Variants in ZNF277 observed in about 807,000 individuals in gnomAD.
The protein encoded by ZNF277 is nuclear receptor-interacting factor 4.
A neutral mutation model predicts 60.7 loss-of-function variants in ZNF277; 55 were observed. That is an observed-to-expected ratio of 0.91 (90% confidence interval 0.73 to 1.13). ZNF277 has a LOEUF of 1.13. Among genes scored for constraint, ZNF277 ranks in the 50% most tolerant of loss-of-function variants. ZNF277 has a pLI of 0.00. For missense variants in ZNF277, 510 were observed against 523.0 expected (o/e 0.98, Z 0.24); for synonymous variants, 178 against 179.3 (o/e 0.99, Z 0.06).
chr7:112,324,855 T>C (rs7811013), intron 5 of ZNF277, among the ~76,000 whole-genome samples: 1 of 152,126 alleles, frequency 6.6e-6, no homozygotes, highest in African/African-American at 2.4e-5. Context: ...AGAAAGCCAG[T>C]GGTAAATTCA....
At chr7:112,258,453 G>C (rs773768664) in intron 1 of ZNF277, among the ~76,000 whole-genome samples, 1 of 150,854 alleles carries the variant, frequency 6.6e-6, no homozygotes, top group African/African-American at 2.4e-5. Flanking sequence ...GTATTTGGAC[G>C]TACTTACGCC....
chr7:112,257,006 A>G (rs1200021978), intron 1 of ZNF277, among the ~76,000 whole-genome samples: 2 of 152,332 alleles, frequency 1.3e-5, no homozygotes, highest in East Asian at 1.9e-4. Context: ...ATTTGGAAAC[A>G]TCTCAGAAAA....
intron 1 of ZNF277, among the ~76,000 whole-genome samples, chr7:112,238,023 C>T (rs1323775152): frequency 2.0e-5 from 3 of 152,290 alleles, no homozygotes; most frequent in East Asian, 1.9e-4. Context: ...TAGACCCCTC[C>T]AGCAATCATC....
At chr7:112,277,917 C>T (rs1791847268) in intron 1 of ZNF277, among the ~76,000 whole-genome samples, 1 of 152,192 alleles carries the variant, frequency 6.6e-6, no homozygotes, top group South Asian at 2.1e-4. Context: ...AGTAAGGCAG[C>T]AGGCTAACTT....
intron 2 of ZNF277, among the ~76,000 whole-genome samples, chr7:112,292,027 G>C (rs1248265954): frequency 1.3e-5 from 2 of 152,064 alleles, no homozygotes; most frequent in Non-Finnish European, 2.9e-5. Flanking sequence ...CCTATTACCT[G>C]CTTTATCCCA....
intron 5 of ZNF277, among the ~76,000 whole-genome samples, chr7:112,326,848 C>A (rs929627062): frequency 1.3e-5 from 2 of 152,164 alleles, no homozygotes; most frequent in African/African-American, 4.8e-5. Context: ...CCAAAACAAT[C>A]ACCTTTATTT....
At chr7:112,318,524 T>G (rs1199809392) in intron 5 of ZNF277, among the ~76,000 whole-genome samples, 2 of 152,130 alleles carry the variant, frequency 1.3e-5, no homozygotes, top group Non-Finnish European at 2.9e-5. Flanking sequence ...TAAAATTGGC[T>G]GACCTGCAAG....
chr7:112,268,402 C>CTTACCATGAGGTAA, intron 1 of ZNF277, among the ~76,000 whole-genome samples: 1 of 151,220 alleles, frequency 6.6e-6, no homozygotes, highest in Non-Finnish European at 1.5e-5. Flanking sequence ...AGGTAAAGAA[C>CTTACCATGAGGTAA]AGTTTTTCTC....
Position 112,286,939 on chromosome 7 carries a change from A to C in ZNF277, c.158A>C (p.Glu53Ala). The C allele has an allele frequency of 6.2e-7, 1 of 1,609,688 alleles. No individual in the cohort carries two copies. The highest frequency in any genetic ancestry group is 1.1e-5 in the South Asian group (1 of 90,898). Residue 53 changes from glutamate to alanine, a missense_variant, in exon 2 of 12, where the codon GAA becomes GCA. Transcript: ENST00000361822. The stretch of plus-strand genomic sequence containing the variant: ...AGTCCAGGTGGCACCACCACTTTAG[A>C]AGGTTCTCCATCTGTGCCTTGTATT... Reference protein sequence around the residue: ...PESPGGTTTLEGSPSVPCIFC... With the variant: ...PESPGGTTTLAGSPSVPCIFC...
At chr7:112,298,327 T>C (rs958191221) in intron 4 of ZNF277, among the ~76,000 whole-genome samples, 2 of 152,210 alleles carry the variant, frequency 1.3e-5, no homozygotes, top group Admixed American at 1.3e-4. Flanking sequence ...AATAATGCTG[T>C]GTCTTAACAA....
intron 1 of ZNF277, among the ~76,000 whole-genome samples, chr7:112,223,256 G>A (rs1253174310): frequency 6.6e-6 from 1 of 152,142 alleles, no homozygotes; most frequent in Non-Finnish European, 1.5e-5. Flanking sequence ...GCCATTTCAG[G>A]ATCTGCTGTT....
intron 4 of ZNF277, among the ~76,000 whole-genome samples, chr7:112,297,369 G>GT (rs1457053538): frequency 2.0e-5 from 3 of 151,940 alleles, no homozygotes; most frequent in East Asian, 1.9e-4. Flanking sequence ...GTGATTTCTT[G>GT]TAAGTCTTTC....
rs535218848 is a variant in ZNF277 at position 112,275,488 on chromosome 7, A to G, written c.92-11385A>G. Among the ~76,000 whole-genome samples the G allele has an allele frequency of 1.4e-3, 208 of 152,344 alleles. 2 individuals carry two copies. Among genetic ancestry groups the G allele is most frequent in the Non-Finnish European group, 1.7e-3 (116 of 68,026 alleles). On this transcript the variant is annotated intron_variant, in intron 1 of 11. Coordinates refer to ENST00000361822, the MANE Select transcript of ZNF277 (RefSeq NM_021994.3). ...TTAGATTCTAAATCTCACTGGCATT[A>G]AACAGTAGAGTTATAGAAAGTATTT... is the stretch of plus-strand genomic sequence containing the variant.
intron 1 of ZNF277, among the ~76,000 whole-genome samples, chr7:112,225,853 A>C (rs556407121): frequency 3.3e-5 from 5 of 152,318 alleles, no homozygotes; most frequent in African/African-American, 1.2e-4. Flanking sequence ...CCAGGACTCC[A>C]TAGAATTATG....
chr7:112,335,567 T>C (rs904011899), intron 7 of ZNF277, among the ~76,000 whole-genome samples: 1 of 152,160 alleles, frequency 6.6e-6, no homozygotes, highest in African/African-American at 2.4e-5. Context: ...TATTTCTTTA[T>C]AGACAGTAAC....
intron 1 of ZNF277, 69 bp downstream of exon 1, chr7:112,206,876 C>A: frequency 2.0e-6 from 3 of 1,506,236 alleles, no homozygotes; most frequent in South Asian, 1.1e-5. Context: ...TGCAACGGAC[C>A]TCTGGTCTGA....
chr7:112,223,437 G>C (rs899169178), intron 1 of ZNF277, among the ~76,000 whole-genome samples: 4 of 152,188 alleles, frequency 2.6e-5, no homozygotes, highest in African/African-American at 9.7e-5. Flanking sequence ...GTCTCCCTAG[G>C]CACTAGTATG....
At chr7:112,235,387 GT>G in intron 1 of ZNF277, among the ~76,000 whole-genome samples, 1 of 152,070 alleles carries the variant, frequency 6.6e-6, no homozygotes, top group Non-Finnish European at 1.5e-5. Context: ...CACCAGCAGT[GT>G]CTGAGGCTCT....
At chr7:112,232,694 T>C (rs10276907) in intron 1 of ZNF277, among the ~76,000 whole-genome samples, 6,624 of 152,158 alleles carry the variant, frequency 0.044, 354 homozygotes, top group African/African-American at 0.13. Flanking sequence ...GTATCAAATG[T>C]TTTTTGCAGT....
Sources: gnomAD v4.1 joint callset for allele counts (sites outside exome capture counted in the v4.1 genomes callset) on GRCh38, gnomAD v4.1.1 for gene constraint, MANE v1.5 for transcripts, NCBI Gene and HGNC (gene_info 2026-07-23, HGNC 2026-07-21) for gene names.